The following COL22A1 variants were observed in gnomAD, a reference collection of about 807,000 sequenced individuals.
The protein encoded by COL22A1 is collagen alpha-1(XXII) chain.
A neutral mutation model predicts 248.9 loss-of-function variants in COL22A1; 221 were observed. That is an observed-to-expected ratio of 0.89 (90% confidence interval 0.80 to 0.99). The LOEUF is 0.99. Among genes scored for constraint, COL22A1 ranks in the 50% least tolerant of loss-of-function variants. The probability of loss-of-function intolerance (pLI) is 0.00; values close to 1 mark genes in which losing one functional copy is unlikely to be tolerated. For missense variants in COL22A1, 2,240 were observed against 2,179.0 expected, an observed-to-expected ratio of 1.03 and a Z score of -0.56; for synonymous variants, 891 against 793.4, an observed-to-expected ratio of 1.12 and a Z score of -2.07.
intron 57 of COL22A1, among the ~76,000 whole-genome samples, chr8:138,607,592 G>A (rs1373696408): frequency 6.6e-6 from 1 of 150,748 alleles, no homozygotes; most frequent in Non-Finnish European, 1.5e-5. Flanking sequence ...AGGTGGTAAG[G>A]GTTGCTCAGT....
intron 3 of COL22A1, among the ~76,000 whole-genome samples, chr8:138,846,602 C>T (rs1030347284): frequency 6.6e-6 from 1 of 152,132 alleles, no homozygotes; most frequent in South Asian, 2.1e-4. Context: ...AATAGCCCTC[C>T]AGCCAGCCTT....
intron 12 of COL22A1, among the ~76,000 whole-genome samples, chr8:138,784,284 TGA>T: frequency 6.6e-6 from 1 of 152,202 alleles, no homozygotes; most frequent in Admixed American, 6.5e-5. Flanking sequence ...GAATATTTCA[TGA>T]GAGAAAGGAT....
intron 39 of COL22A1, among the ~76,000 whole-genome samples, chr8:138,682,051 T>C (rs1039218576): frequency 1.3e-5 from 2 of 152,222 alleles, no homozygotes; most frequent in African/African-American, 2.4e-5. Flanking sequence ...TTGCATGTTA[T>C]TGTAAGCAAG....
chr8:138,630,771 C>T (rs1168460114), intron 49 of COL22A1, 23 bp from the exon 50 acceptor site: 4 of 1,611,862 alleles, frequency 2.5e-6, no homozygotes, highest in Non-Finnish European at 3.4e-6. Context: ...AGGCAGAAAG[C>T]TAGTTTCTTG....
At chr8:138,668,082 G>A (rs565877301) in intron 41 of COL22A1, among the ~76,000 whole-genome samples, 4 of 152,220 alleles carry the variant, frequency 2.6e-5, no homozygotes, top group African/African-American at 9.6e-5. Context: ...ACACAGAAGC[G>A]TGACATGTAT....
intron 7 of COL22A1, among the ~76,000 whole-genome samples, chr8:138,818,214 A>G (rs1245868348): frequency 6.6e-6 from 1 of 152,132 alleles, no homozygotes; most frequent in Non-Finnish European, 1.5e-5. Context: ...CTCAGAGGGT[A>G]TCTGCTTCAG....
chr8:138,777,764 A>C (rs544688148), intron 15 of COL22A1: 3 of 156,904 alleles, frequency 1.9e-5, no homozygotes, highest in South Asian at 3.8e-4. Context: ...TATCCAGTCT[A>C]TCATTGATGC....
At chr8:138,796,931 T>C in intron 11 of COL22A1, 74 bp from the exon 12 acceptor site, 1 of 960,502 alleles carries the variant, frequency 1.0e-6, no homozygotes, top group Admixed American at 1.7e-5. Flanking sequence ...GGCAACATCA[T>C]CCCGAGATTT....
At chr8:138,674,630 G>A (rs1365265795) in intron 41 of COL22A1, among the ~76,000 whole-genome samples, 2 of 152,198 alleles carry the variant, frequency 1.3e-5, no homozygotes, top group Non-Finnish European at 2.9e-5. Context: ...TTCGGTGGCA[G>A]GTGGGGTGAA....
intron 3 of COL22A1, among the ~76,000 whole-genome samples, chr8:138,871,040 G>T (rs114652024): frequency 0.024 from 3,581 of 152,080 alleles, 122 homozygotes; most frequent in African/African-American, 0.079. Flanking sequence ...GGAAGGCATG[G>T]TCACGAGGGG....
At chr8:138,836,443 C>T (rs1820437222) in intron 4 of COL22A1, among the ~76,000 whole-genome samples, 1 of 152,176 alleles carries the variant, frequency 6.6e-6, no homozygotes, top group South Asian at 2.1e-4. Context: ...TGGAAAATCA[C>T]TTTGAGTTTT....
chr8:138,764,069 C>A (rs1833726041), intron 16 of COL22A1, among the ~76,000 whole-genome samples: 2 of 152,284 alleles, frequency 1.3e-5, no homozygotes, highest in Non-Finnish European at 2.9e-5. Flanking sequence ...GTCGTGATTT[C>A]TTTGCTGCTT....
intron 47 of COL22A1, 44 bp from the exon 48 acceptor site, chr8:138,636,839 T>G (rs1259407450): frequency 1.3e-6 from 2 of 1,491,834 alleles, no homozygotes; most frequent in African/African-American, 2.8e-5. Flanking sequence ...CTGGAAATTT[T>G]AATAGGAAAA....
At chr8:138,708,950 C>CA (rs1474488555) in intron 30 of COL22A1, among the ~76,000 whole-genome samples, 118 of 150,728 alleles carry the variant, frequency 7.8e-4, no homozygotes, top group Non-Finnish European at 1.2e-3. Flanking sequence ...AGAAAAAAAT[C>CA]AAAAAACCCC....
chr8:138,738,924 G>A (rs1340374153), intron 22 of COL22A1, among the ~76,000 whole-genome samples: 2 of 152,056 alleles, frequency 1.3e-5, no homozygotes, highest in African/African-American at 4.8e-5. Context: ...GGAGCAACAG[G>A]GAGGATGGAT....
At chr8:138,677,664 T>A (rs1825672309) in intron 40 of COL22A1, among the ~76,000 whole-genome samples, 1 of 152,398 alleles carries the variant, frequency 6.6e-6, no homozygotes, top group East Asian at 1.9e-4. Context: ...TAAGGATTAA[T>A]GTGCTTGATT....
intron 12 of COL22A1, among the ~76,000 whole-genome samples, chr8:138,782,381 C>T (rs562423843): frequency 3.9e-5 from 6 of 152,302 alleles, no homozygotes; most frequent in East Asian, 1.9e-4. Flanking sequence ...CCACATCTGG[C>T]GAATTTTTGT....
At chr8:138,820,533 A>G (rs766614819) in intron 7 of COL22A1, among the ~76,000 whole-genome samples, 1 of 152,190 alleles carries the variant, frequency 6.6e-6, no homozygotes, top group Non-Finnish European at 1.5e-5. Flanking sequence ...AAAGAAGGAA[A>G]GAACATTGAT....
chr8:138,670,490 G>T (rs978094816), intron 41 of COL22A1, among the ~76,000 whole-genome samples: 3 of 152,124 alleles, frequency 2.0e-5, no homozygotes, highest in African/African-American at 7.2e-5. Flanking sequence ...ACAAGATGGG[G>T]GTACTCACAC....
Sources: allele counts gnomAD v4.1 joint callset (sites outside exome capture counted in the v4.1 genomes callset), GRCh38; gene constraint gnomAD v4.1.1; transcripts MANE v1.5; gene names NCBI Gene and HGNC (gene_info 2026-07-23, HGNC 2026-07-21).